The following KCNG3 variants were observed in gnomAD, a reference collection of about 807,000 sequenced individuals.
KCNG3 encodes voltage-gated potassium channel regulatory subunit KCNG3.
Under a neutral mutation model 29.0 loss-of-function variants are expected in KCNG3, and 15 were observed. That is an observed-to-expected ratio of 0.52 (90% CI 0.35 to 0.80). KCNG3 has a LOEUF of 0.80. Ranked by LOEUF, KCNG3 falls within the 30% of genes least tolerant of loss-of-function variation. The pLI is 0.01. For synonymous variants in KCNG3, 322 were observed against 248.9 expected, an observed-to-expected ratio of 1.29 and a Z score of -2.76; for missense variants, 512 against 605.7, an observed-to-expected ratio of 0.85 and a Z score of 1.62.
the KCNG3 span, among the ~76,000 whole-genome samples, chr2:42,393,418 G>A: frequency 3.3e-5 from 5 of 151,908 alleles, no homozygotes; most frequent in Admixed American, 6.6e-5. Flanking sequence ...AAAATGAGCC[G>A]GGCGTGGTGG....
the KCNG3 span, among the ~76,000 whole-genome samples, chr2:42,416,076 T>C: frequency 6.6e-6 from 1 of 152,050 alleles, no homozygotes; most frequent in South Asian, 2.1e-4. Context: ...GCATCTGTAA[T>C]CCCAGCTGAT....
At chr2:42,475,463 G>A (rs1673401219) in intron 1 of KCNG3, among the ~76,000 whole-genome samples, 1 of 151,602 alleles carries the variant, frequency 6.6e-6, no homozygotes, top group Non-Finnish European at 1.5e-5. Context: ...CGGATAGCTG[G>A]GATAAGAGGT....
the KCNG3 span, among the ~76,000 whole-genome samples, chr2:42,389,347 G>A: frequency 2.1e-4 from 32 of 152,110 alleles, no homozygotes; most frequent in African/African-American, 7.5e-4. Flanking sequence ...CTATACTATT[G>A]TTCCTATGGT....
the KCNG3 span, among the ~76,000 whole-genome samples, chr2:42,408,112 C>T: frequency 6.6e-6 from 1 of 152,204 alleles, no homozygotes; most frequent in South Asian, 2.1e-4. Context: ...CTTTGGGTGC[C>T]TATGAGCATG....
At chr2:42,454,352 G>A (rs543550893) in intron 1 of KCNG3, among the ~76,000 whole-genome samples, 16 of 152,232 alleles carry the variant, frequency 1.1e-4, no homozygotes, top group African/African-American at 3.9e-4. Flanking sequence ...AGATGTCGAA[G>A]CAACCTTAAT....
the KCNG3 span, among the ~76,000 whole-genome samples, chr2:42,425,901 A>G: frequency 5.3e-5 from 8 of 152,236 alleles, no homozygotes; most frequent in Admixed American, 2.0e-4. Context: ...AAGTAAGTCC[A>G]CTAAGAATGA....
At chr2:42,450,085 G>A (rs1466752538) in intron 1 of KCNG3, among the ~76,000 whole-genome samples, 6 of 152,134 alleles carry the variant, frequency 3.9e-5, no homozygotes, top group Non-Finnish European at 8.8e-5. Flanking sequence ...TTTCAGAAGA[G>A]TAAAAATGTC....
the KCNG3 span, among the ~76,000 whole-genome samples, chr2:42,391,633 C>G: frequency 3.6e-4 from 41 of 115,134 alleles, no homozygotes; most frequent in Middle Eastern, 8.8e-3. Flanking sequence ...GACGGAGTCT[C>G]GCTCTGTCGC....
At chr2:42,486,566 T>C (rs1057414505) in intron 1 of KCNG3, among the ~76,000 whole-genome samples, 7 of 152,222 alleles carry the variant, frequency 4.6e-5, no homozygotes, top group Admixed American at 4.6e-4. Flanking sequence ...TCATCTACCC[T>C]TGGACAAAAC....
the KCNG3 span, among the ~76,000 whole-genome samples, chr2:42,416,950 T>G: frequency 6.6e-6 from 1 of 150,674 alleles, no homozygotes; most frequent in Non-Finnish European, 1.5e-5. Context: ...ATATTAATTA[T>G]ATAAAAACAT....
At chr2:42,483,597 C>T (rs1328764504) in intron 1 of KCNG3, among the ~76,000 whole-genome samples, 1 of 152,146 alleles carries the variant, frequency 6.6e-6, no homozygotes, top group Non-Finnish European at 1.5e-5. Flanking sequence ...AACAGCACTA[C>T]TTCATAGGAC....
At chr2:42,456,072 T>C (rs192322214) in intron 1 of KCNG3, among the ~76,000 whole-genome samples, 35 of 151,880 alleles carry the variant, frequency 2.3e-4, no homozygotes, top group African/African-American at 8.2e-4. Context: ...CTTTGTTACT[T>C]ACTAATCATA....
At chr2:42,434,759 T>C in the KCNG3 span, among the ~76,000 whole-genome samples, 1 of 149,736 alleles carries the variant, frequency 6.7e-6, no homozygotes, top group African/African-American at 2.4e-5. Flanking sequence ...TGTTCTGGCA[T>C]AAAAATCAAC....
At chr2:42,485,132 G>A (rs1261800538) in intron 1 of KCNG3, among the ~76,000 whole-genome samples, 3 of 151,850 alleles carry the variant, frequency 2.0e-5, no homozygotes, top group Admixed American at 6.6e-5. Context: ...TTTTTTAATT[G>A]AGGATTAAAA....
chr2:42,450,523 T>C (rs1672722192), intron 1 of KCNG3, among the ~76,000 whole-genome samples: 1 of 152,144 alleles, frequency 6.6e-6, no homozygotes, highest in Non-Finnish European at 1.5e-5. Context: ...TTCTGTAAAA[T>C]TAAACAGGAA....
intron 1 of KCNG3, among the ~76,000 whole-genome samples, chr2:42,447,476 A>G (rs1457915152): frequency 1.3e-5 from 2 of 151,928 alleles, no homozygotes; most frequent in Non-Finnish European, 2.9e-5. Flanking sequence ...GATTTATTTA[A>G]CCAGTCCACC....
chr2:42,471,065 T>C (rs971708285), intron 1 of KCNG3, among the ~76,000 whole-genome samples: 1 of 151,154 alleles, frequency 6.6e-6, no homozygotes, highest in Non-Finnish European at 1.5e-5. Context: ...GGGTAGAGGA[T>C]CACTTGAGCC....
chr2:42,426,951 A>G, the KCNG3 span, among the ~76,000 whole-genome samples: 1 of 152,228 alleles, frequency 6.6e-6, no homozygotes, highest in Non-Finnish European at 1.5e-5. Flanking sequence ...ACTTTACTCA[A>G]TGTAAGTACA....
intron 1 of KCNG3, among the ~76,000 whole-genome samples, chr2:42,464,505 G>T (rs1272499529): frequency 6.6e-6 from 1 of 152,050 alleles, no homozygotes; most frequent in African/African-American, 2.4e-5. Flanking sequence ...AGCAATACTC[G>T]AATACTCTGA....
Sources: allele counts gnomAD v4.1 joint callset (sites outside exome capture counted in the v4.1 genomes callset), GRCh38; gene constraint gnomAD v4.1.1; transcripts MANE v1.5; gene names NCBI Gene and HGNC (gene_info 2026-07-23, HGNC 2026-07-21).